The following SLC67A2 variants were observed in gnomAD, a reference collection of about 807,000 sequenced individuals.
The protein encoded by SLC67A2 is solute carrier family 67 member 2, also known as solute carrier family 67 member A2.
the SLC67A2 span, among the ~76,000 whole-genome samples, chr2:102,733,026 T>C: frequency 6.6e-6 from 1 of 152,174 alleles, no homozygotes; most frequent in Admixed American, 6.6e-5. Flanking sequence ...CTGCAAAGGG[T>C]AGAACAGTAA....
the SLC67A2 span, chr2:102,726,981 A>G: frequency 6.2e-7 from 1 of 1,611,210 alleles, no homozygotes. Context: ...AGCCCTGAGG[A>G]AAGTAAGAAA....
the SLC67A2 span, among the ~76,000 whole-genome samples, chr2:102,727,345 A>G: frequency 6.6e-6 from 1 of 152,184 alleles, no homozygotes; most frequent in Non-Finnish European, 1.5e-5. Context: ...AAAAATTTAG[A>G]AAATACTGAA....
the SLC67A2 span, chr2:102,726,894 GAGA>G: frequency 8.1e-6 from 13 of 1,611,838 alleles, no homozygotes; most frequent in South Asian, 9.9e-5. Context: ...TGGCTGCTCC[GAGA>G]AGGAGATAGC....
chr2:102,721,232 GTGA>G, the SLC67A2 span, among the ~76,000 whole-genome samples: 1 of 152,202 alleles, frequency 6.6e-6, no homozygotes, highest in South Asian at 2.1e-4. Flanking sequence ...TCAATTTTGA[GTGA>G]TACCACATTC....
the SLC67A2 span, chr2:102,718,899 C>A: frequency 6.2e-7 from 1 of 1,614,206 alleles, no homozygotes; most frequent in Middle Eastern, 1.6e-4. Flanking sequence ...TTGGGCCGCA[C>A]CCCAAAGCGC....
chr2:102,734,429 A>G, the SLC67A2 span, among the ~76,000 whole-genome samples: 4 of 152,214 alleles, frequency 2.6e-5, no homozygotes, highest in Non-Finnish European at 5.9e-5. Context: ...AAGTACGGAT[A>G]ACTGCTAAAA....
At chr2:102,714,664 A>C in the SLC67A2 span, among the ~76,000 whole-genome samples, 1 of 152,210 alleles carries the variant, frequency 6.6e-6, no homozygotes, top group Non-Finnish European at 1.5e-5. Flanking sequence ...GAAGAAAATT[A>C]TCATGTGACT....
chr2:102,735,163 C>G, the SLC67A2 span, among the ~76,000 whole-genome samples: 1 of 152,140 alleles, frequency 6.6e-6, no homozygotes, highest in African/African-American at 2.4e-5. Flanking sequence ...GAATGAACTA[C>G]TAGATTAAAG....
chr2:102,731,072 T>C, the SLC67A2 span: 1 of 1,613,206 alleles, frequency 6.2e-7, no homozygotes. Flanking sequence ...GAGGAGCCTG[T>C]AAAAAACAAA....
the SLC67A2 span, chr2:102,736,631 C>T: frequency 3.1e-6 from 5 of 1,613,820 alleles, no homozygotes; most frequent in East Asian, 2.2e-5. Context: ...TCCCAGCCCC[C>T]ACGCTCGCAC....
the SLC67A2 span, among the ~76,000 whole-genome samples, chr2:102,730,545 ATTT>A: frequency 6.9e-6 from 1 of 144,990 alleles, no homozygotes. Context: ...TGGTAATAAC[ATTT>A]TTTTTTTTTT....
the SLC67A2 span, chr2:102,715,907 A>G: frequency 1.3e-5 from 2 of 152,154 alleles, no homozygotes; most frequent in African/African-American, 4.8e-5. Context: ...TACCCCTTAG[A>G]CCAGGGGTTT....
chr2:102,718,849 C>T, the SLC67A2 span: 1 of 1,613,874 alleles, frequency 6.2e-7, no homozygotes, highest in Non-Finnish European at 8.5e-7. Flanking sequence ...CGGCCACGGC[C>T]CCCAGCATGC....
the SLC67A2 span, chr2:102,718,261 G>C: frequency 1.3e-6 from 1 of 782,190 alleles, no homozygotes; most frequent in Non-Finnish European, 2.0e-6. Context: ...TGCAGGCATG[G>C]CTGCATGGCC....
At chr2:102,734,660 C>A in the SLC67A2 span, among the ~76,000 whole-genome samples, 7 of 151,906 alleles carry the variant, frequency 4.6e-5, no homozygotes, top group Non-Finnish European at 8.8e-5. Context: ...ACAATATTTT[C>A]CATTAAAAAA....
chr2:102,736,335 T>C, the SLC67A2 span, among the ~76,000 whole-genome samples: 1 of 151,976 alleles, frequency 6.6e-6, no homozygotes, highest in Non-Finnish European at 1.5e-5. Context: ...CTGCAAAAGC[T>C]GCACCTGCCA....
At chr2:102,726,957 T>G in the SLC67A2 span, 1 of 1,612,862 alleles carries the variant, frequency 6.2e-7, no homozygotes, top group Non-Finnish European at 8.5e-7. Context: ...GTCTTCCCAC[T>G]ACATCGCTCC....
At chr2:102,736,420 C>T in the SLC67A2 span, 2 of 1,245,936 alleles carry the variant, frequency 1.6e-6, no homozygotes, top group Non-Finnish European at 2.1e-6. Flanking sequence ...AGACGTTCCG[C>T]GAACGGGGTG....
At chr2:102,719,649 C>T in the SLC67A2 span, among the ~76,000 whole-genome samples, 2 of 152,294 alleles carry the variant, frequency 1.3e-5, no homozygotes, top group South Asian at 4.1e-4. Flanking sequence ...AAGTGCTAAA[C>T]ATAGAAATAT....
Sources: gnomAD v4.1 joint callset for allele counts (sites outside exome capture counted in the v4.1 genomes callset) on GRCh38, gnomAD v4.1.1 for gene constraint, MANE v1.5 for transcripts, NCBI Gene and HGNC (gene_info 2026-07-23, HGNC 2026-07-21) for gene names.